The following DCLRE1A variants were observed in gnomAD, a reference collection of about 807,000 sequenced individuals.
DCLRE1A encodes DNA cross-link repair 1A protein.
In DCLRE1A, 64 loss-of-function variants were observed where a neutral mutation model predicts 91.9. The ratio of observed to expected loss-of-function variants is 0.70; its 90% CI spans 0.57 to 0.86. The LOEUF is 0.86. DCLRE1A is among the 40% of genes least tolerant of loss of function. The probability of loss-of-function intolerance (pLI) is 0.00; values close to 1 mark genes in which losing one functional copy is unlikely to be tolerated. For synonymous variants in DCLRE1A, 416 were observed against 431.1 expected (o/e 0.96, Z 0.43); for missense variants, 1,145 against 1,213.3 (o/e 0.94, Z 0.84).
chr10:113,848,726 G>A (rs1410667698), intron 2 of DCLRE1A, among the ~76,000 whole-genome samples: 3 of 151,898 alleles, frequency 2.0e-5, no homozygotes, highest in Non-Finnish European at 4.4e-5. Context: ...TCTATAGCCC[G>A]TAATATCCAC....
In DCLRE1A at chr10:113,853,461, C is replaced by A; in HGVS notation, c.-279G>T. 1 of 286,496 alleles carries A rather than the reference C, an allele frequency of 3.5e-6. No individual in the cohort carries two copies. The highest frequency in any genetic ancestry group is 6.4e-6 in the Non-Finnish European group (1 of 156,038). 17.7% of individuals were successfully genotyped at this position (286,496 alleles called of 1,614,324 possible). Reference sequence around the variant, plus strand: ...ACTGTGAAGTTCTCCATTATGGGTGCTATTTCATTCAAATATCTTGTCCTT... The same window carrying A: ...ACTGTGAAGTTCTCCATTATGGGTGATATTTCATTCAAATATCTTGTCCTT... On this transcript the variant is annotated 5_prime_UTR_variant, in exon 1 of 9. It removes the in-frame stop codon of an upstream open reading frame in the 5' UTR. Transcript: ENST00000361384.
chr10:113,840,888 G>A (rs148821134), intron 7 of DCLRE1A, among the ~76,000 whole-genome samples: 1 of 152,236 alleles, frequency 6.6e-6, no homozygotes, highest in African/African-American at 2.4e-5. Flanking sequence ...ATCCCAGCAA[G>A]GTCATATCAT....
At chr10:113,852,568 T>A (rs1186017451) in intron 1 of DCLRE1A, among the ~76,000 whole-genome samples, 155 bp downstream of exon 1, 1 of 152,262 alleles carries the variant, frequency 6.6e-6, no homozygotes, top group Non-Finnish European at 1.5e-5. Flanking sequence ...TGCCATTTGC[T>A]TTACAATTAT....
At chr10:113,840,405 C>G (rs1348172351) in intron 7 of DCLRE1A, among the ~76,000 whole-genome samples, 1 of 152,070 alleles carries the variant, frequency 6.6e-6, no homozygotes, top group Non-Finnish European at 1.5e-5. Flanking sequence ...AGGCCATATG[C>G]ATCAGAACGC....
chr10:113,842,110 TC>T (rs1845454328), intron 6 of DCLRE1A, among the ~76,000 whole-genome samples: 1 of 152,230 alleles, frequency 6.6e-6, no homozygotes, highest in African/African-American at 2.4e-5. Context: ...TCTATAAATT[TC>T]TTATATCTAG....
chr10:113,841,340 T>G (rs1331247781), intron 7 of DCLRE1A, 66 bp downstream of exon 7: 2 of 1,554,308 alleles, frequency 1.3e-6, no homozygotes, highest in Non-Finnish European at 1.7e-6. Context: ...CTAAGTTAAA[T>G]GAAGCTTAAA....
chr10:113,842,667 A>T (rs899805746), intron 5 of DCLRE1A, among the ~76,000 whole-genome samples, 179 bp from the exon 6 acceptor site: 1 of 152,244 alleles, frequency 6.6e-6, no homozygotes, highest in Non-Finnish European at 1.5e-5. Context: ...CTACTAACTT[A>T]AGATCAAATT....
At position 113,849,917 on chromosome 10, in the gene DCLRE1A, C is replaced by G; in HGVS notation, c.1188G>C (p.Leu396Phe). The change falls in exon 2 of 9, where the codon TTG (leucine) becomes TTC (phenylalanine). Residue 396 changes from leucine (L) to phenylalanine (F), a missense_variant. Coordinates refer to ENST00000361384, the MANE Select transcript of DCLRE1A (RefSeq NM_014881.5). ...CACCAGTACATGCCAGATCATAAGG[C>G]AAAGTACTCTCATTATTTTGAGAAA... ...QPISQNNEST[L>F]PYDLACTGGD... is the part of the protein sequence containing the mutation. 1 of 1,613,938 alleles carries G rather than the reference C, an allele frequency of 6.2e-7. No individual in the cohort carries two copies.
At chr10:113,845,221 A>G (rs1175516729) in intron 4 of DCLRE1A, among the ~76,000 whole-genome samples, 1 of 152,152 alleles carries the variant, frequency 6.6e-6, no homozygotes, top group East Asian at 1.9e-4. Context: ...GGCCATTTCC[A>G]AGAAAAAAAA....
chr10:113,849,039 T>C lies in DCLRE1A; in HGVS notation c.2066A>G (p.Glu689Gly). The change falls in exon 2 of 9, where the codon GAG becomes GGG. Residue 689 changes from glutamate to glycine, a missense_variant. By Grantham distance (98) the Glu-to-Gly change is moderately conservative. Coordinates refer to ENST00000361384, the MANE Select transcript of DCLRE1A (RefSeq NM_014881.5). ...TCTTGATCCTCCTACATTAGATGAC[T>C]CTGGGATTTTCTTGTTGCCCCTTTG... The part of the protein sequence containing the change: ...GLQRGNKKIP[E>G]SSNVGGSRKK... 6.2e-7 allele frequency: 1 copy of C among 1,614,178 alleles called. No homozygotes were observed. The highest frequency in any genetic ancestry group is 2.2e-5 in the East Asian group (1 of 44,874).
chr10:113,852,577 A>C, intron 1 of DCLRE1A, 146 bp downstream of exon 1: 75 of 753,732 alleles, frequency 1.0e-4, no homozygotes, highest in Non-Finnish European at 1.5e-4. Flanking sequence ...CTTTACAATT[A>C]TACCGTTGAC....
chr10:113,850,527 G>A lies in DCLRE1A; in HGVS notation c.578C>T (p.Ala193Val), dbSNP rs373182829. Residue 193 changes from alanine to valine, a missense_variant, in exon 2 of 9, where the codon GCG (alanine) becomes GTG (valine). Physicochemically the swap from Ala to Val is moderately conservative, Grantham distance 64 (BLOSUM62 0). Coordinates refer to ENST00000361384, the MANE Select transcript of DCLRE1A (RefSeq NM_014881.5). Reference protein sequence around the residue: ...GDHPFSSPSPASGGSFSETKS... With the variant: ...GDHPFSSPSPVSGGSFSETKS... ...AGTCTCACTGAAACTGCCACCTGACGCAGGTGATGGGCTGCTAAAAGGATG... is the reference window on the plus strand; with the variant it reads ...AGTCTCACTGAAACTGCCACCTGACACAGGTGATGGGCTGCTAAAAGGATG... 1.6e-5 allele frequency: 26 copies of A among 1,613,946 alleles called. No individual in the cohort carries two copies. Among genetic ancestry groups the A allele is most frequent in the African/African-American group, 1.5e-4 (11 of 74,906 alleles).
chr10:113,837,250 T>C, intron 7 of DCLRE1A, 47 bp from the exon 8 acceptor site: 1 of 1,568,928 alleles, frequency 6.4e-7, no homozygotes, highest in Non-Finnish European at 8.6e-7. Flanking sequence ...ACGAGTTATA[T>C]GGAATAAAAC....
At chr10:113,846,968 A>G (rs1201322748) in intron 3 of DCLRE1A, among the ~76,000 whole-genome samples, 1 of 152,172 alleles carries the variant, frequency 6.6e-6, no homozygotes, top group Non-Finnish European at 1.5e-5. Context: ...TCTTGTTTTT[A>G]GTACATCGTG....
intron 1 of DCLRE1A, 107 bp downstream of exon 1, chr10:113,852,612 ATCTC>A: frequency 9.5e-7 from 1 of 1,052,588 alleles, no homozygotes; most frequent in Admixed American, 2.9e-5. Flanking sequence ...CCAGTGTCTC[ATCTC>A]TCTTTTAGGT....
At chr10:113,847,478 C>G in intron 2 of DCLRE1A, 143 bp from the exon 3 acceptor site, 3 of 917,438 alleles carry the variant, frequency 3.3e-6, no homozygotes, top group Non-Finnish European at 4.5e-6. Context: ...ATAAATTTAA[C>G]AAAAGGTAAC....
chr10:113,852,673 T>G (rs753138653), intron 1 of DCLRE1A, 50 bp downstream of exon 1: 27 of 1,522,420 alleles, frequency 1.8e-5, no homozygotes, highest in Non-Finnish European at 2.2e-5. Flanking sequence ...TCTGACCTAA[T>G]GAAGACTTTT....
At chr10:113,841,650 CAAAT>C (rs2134652776) in intron 6 of DCLRE1A, 90 bp from the exon 7 acceptor site, 1 of 1,326,200 alleles carries the variant, frequency 7.5e-7, no homozygotes, top group East Asian at 2.4e-5. Context: ...AAGAATTTAC[CAAAT>C]AAAAGGAAAT....
intron 1 of DCLRE1A, among the ~76,000 whole-genome samples, chr10:113,851,029 T>G (rs1483891554): frequency 2.0e-5 from 3 of 152,202 alleles, no homozygotes; most frequent in Non-Finnish European, 2.9e-5. Flanking sequence ...GAAAACTTCA[T>G]GGCTTACAAC....
Sources: allele counts gnomAD v4.1 joint callset (sites outside exome capture counted in the v4.1 genomes callset), GRCh38; gene constraint gnomAD v4.1.1; transcripts MANE v1.5; gene names NCBI Gene and HGNC (gene_info 2026-07-23, HGNC 2026-07-21).